The following SPATA13 variants were observed in gnomAD, a reference collection of about 807,000 sequenced individuals.
The protein encoded by SPATA13 is spermatogenesis associated 13, also known as spermatogenesis-associated protein 13.
A neutral mutation model predicts 104.0 loss-of-function variants in SPATA13; 50 were observed. That is an observed-to-expected ratio of 0.48 (90% confidence interval 0.38 to 0.61). The LOEUF (loss-of-function observed/expected upper bound fraction) is 0.61, where lower values mean the gene tolerates loss of function less well. Ranked by LOEUF, SPATA13 falls within the 20% of genes least tolerant of loss-of-function variation. The pLI is 0.00. For synonymous variants in SPATA13, 606 were observed against 667.5 expected, an observed-to-expected ratio of 0.91 and a Z score of 1.42; for missense variants, 1,524 against 1,690.6, an observed-to-expected ratio of 0.90 and a Z score of 1.73.
At chr13:24,086,506 T>C (rs1879724725) in intron 3 of SPATA13, among the ~76,000 whole-genome samples, 1 of 151,352 alleles carries the variant, frequency 6.6e-6, no homozygotes, top group Non-Finnish European at 1.5e-5. Context: ...ATGGGAAAAA[T>C]ATGAAAGAAA....
chr13:24,000,901 C>T (rs73162135), intron 2 of SPATA13, among the ~76,000 whole-genome samples: 8,655 of 151,850 alleles, frequency 0.057, 330 homozygotes, highest in Non-Finnish European at 0.085. Flanking sequence ...GGTGTGAATT[C>T]GGGAGATTCC....
chr13:24,290,227 T>C (rs180870335), intron 8 of SPATA13, among the ~76,000 whole-genome samples: 19 of 152,256 alleles, frequency 1.2e-4, no homozygotes, highest in African/African-American at 4.1e-4. Flanking sequence ...ATGGGCATTT[T>C]TGAGGAAAAC....
At chr13:24,087,912 T>C (rs957334730) in intron 3 of SPATA13, among the ~76,000 whole-genome samples, 4 of 152,226 alleles carry the variant, frequency 2.6e-5, no homozygotes, top group Non-Finnish European at 4.4e-5. Flanking sequence ...TCTTGCCCAT[T>C]GCTCACTGGC....
chr13:24,161,821 CTTATA>C lies in SPATA13; in HGVS notation c.-112+894_-112+898del, dbSNP rs889984794. Among the ~76,000 whole-genome samples, 2 of 152,146 alleles carry C rather than the reference CTTATA, an allele frequency of 1.3e-5. No individual in the cohort carries two copies. The highest frequency in any genetic ancestry group is 1.3e-4 in the Admixed American group (2 of 15,274). On this transcript the variant is annotated intron_variant, in intron 1 of 12. Coordinates refer to ENST00000382108, the MANE Select transcript of SPATA13 (RefSeq NM_001166271.3). The surrounding 1 kb of genome is among the most constrained non-coding windows in gnomAD (Gnocchi z 4.5). ...TCTTGTTCCCATGGCTTCCCATAGC[CTTATA>C]TTATGCACCTCCCCCTGCCAGCATT...
intron 4 of SPATA13, chr13:24,254,522 C>T (rs912144): frequency 0.26 from 40,032 of 152,188 alleles, 6,580 homozygotes; most frequent in African/African-American, 0.47. Context: ...TTCTCTGTGA[C>T]GTTCTGGGCC....
At chr13:24,202,869 C>T (rs74498138) in intron 1 of SPATA13, among the ~76,000 whole-genome samples, 1,647 of 152,230 alleles carry the variant, frequency 0.011, 29 homozygotes, top group African/African-American at 0.038. Flanking sequence ...AAGCATTCCA[C>T]TTACTTGCCC....
chr13:24,135,385 C>T (rs934226650), intron 3 of SPATA13, among the ~76,000 whole-genome samples: 3 of 151,940 alleles, frequency 2.0e-5, no homozygotes, highest in African/African-American at 4.8e-5. Context: ...ATATAATGTG[C>T]CTCACTTTCA....
chr13:24,170,823 T>C (rs1192167490), intron 1 of SPATA13, among the ~76,000 whole-genome samples: 1 of 152,064 alleles, frequency 6.6e-6, no homozygotes, highest in African/African-American at 2.4e-5. Context: ...TTTTAGTCAT[T>C]GAGAGACAAT....
At chr13:24,174,206 A>G (rs1883117662) in intron 1 of SPATA13, among the ~76,000 whole-genome samples, 1 of 152,188 alleles carries the variant, frequency 6.6e-6, no homozygotes, top group Non-Finnish European at 1.5e-5. Context: ...TTTTAAAGAA[A>G]GCGGTCCATT....
chr13:24,152,113 T>C (rs1179976101), intron 3 of SPATA13, among the ~76,000 whole-genome samples: 3 of 152,196 alleles, frequency 2.0e-5, no homozygotes, highest in African/African-American at 7.2e-5. Context: ...TTAGACTCAG[T>C]AATTTATGGA....
At chr13:24,219,440 T>C (rs1871448933) in intron 1 of SPATA13, among the ~76,000 whole-genome samples, 2 of 152,244 alleles carry the variant, frequency 1.3e-5, no homozygotes, top group South Asian at 4.1e-4. Flanking sequence ...TTCTGAGTGT[T>C]AGAAAATTTC....
intron 4 of SPATA13, among the ~76,000 whole-genome samples, chr13:24,280,038 G>A (rs1875380786): frequency 6.6e-6 from 1 of 152,200 alleles, no homozygotes. Context: ...TTGAGGCAAA[G>A]TCTTGCTCTG....
chr13:24,166,041 T>C (rs949713568), intron 1 of SPATA13, among the ~76,000 whole-genome samples: 4 of 152,226 alleles, frequency 2.6e-5, no homozygotes, highest in African/African-American at 7.2e-5. Flanking sequence ...CTGTAACGTA[T>C]AAAAGTCTTT....
intron 3 of SPATA13, among the ~76,000 whole-genome samples, chr13:24,041,585 G>A (rs912593446): frequency 5.9e-5 from 9 of 152,230 alleles, no homozygotes; most frequent in Non-Finnish European, 1.5e-5. Context: ...ATGCAGTTGT[G>A]TCAGGAACCA....
At chr13:24,218,345 A>G (rs1871371113) in intron 1 of SPATA13, among the ~76,000 whole-genome samples, 1 of 152,168 alleles carries the variant, frequency 6.6e-6, no homozygotes, top group Non-Finnish European at 1.5e-5. Context: ...AAGAGGGTCT[A>G]GCATGACCCC....
At chr13:24,062,268 G>A (rs1438015728) in intron 3 of SPATA13, among the ~76,000 whole-genome samples, 9 of 152,264 alleles carry the variant, frequency 5.9e-5, no homozygotes, top group Admixed American at 3.3e-4. Flanking sequence ...ATGGTTCAAA[G>A]TGCTGTTGGC....
At chr13:24,083,821 C>G (rs1276337035) in intron 3 of SPATA13, among the ~76,000 whole-genome samples, 6 of 152,216 alleles carry the variant, frequency 3.9e-5, no homozygotes, top group Non-Finnish European at 7.3e-5. Flanking sequence ...AAAGCTCTAA[C>G]TGCTCATTTC....
intron 3 of SPATA13, among the ~76,000 whole-genome samples, chr13:24,032,156 A>T (rs1419038866): frequency 6.6e-6 from 1 of 152,166 alleles, no homozygotes; most frequent in Non-Finnish European, 1.5e-5. Flanking sequence ...TTCAGCAAGA[A>T]TTCTGGTAGG....
chr13:24,190,862 G>T (rs1196392586), intron 1 of SPATA13, among the ~76,000 whole-genome samples: 1 of 152,146 alleles, frequency 6.6e-6, no homozygotes, highest in African/African-American at 2.4e-5. Flanking sequence ...CAGTTTTGAA[G>T]GTTCTGCTGT....
Sources: allele counts gnomAD v4.1 joint callset (sites outside exome capture counted in the v4.1 genomes callset), GRCh38; gene constraint gnomAD v4.1.1; non-coding constraint Gnocchi (gnomAD v3.1); transcripts MANE v1.5; gene names NCBI Gene and HGNC (gene_info 2026-07-23, HGNC 2026-07-21).